Variants in EDARADD observed in about 807,000 individuals in gnomAD.
The protein encoded by EDARADD is ectodysplasin-A receptor-associated adapter protein.
Under a neutral mutation model 25.6 loss-of-function variants are expected in EDARADD, and 20 were observed. The observed-to-expected ratio is 0.78, with a 90% CI of 0.55 to 1.14. The LOEUF (loss-of-function observed/expected upper bound fraction) is 1.14. Among genes scored for constraint, EDARADD ranks in the 50% most tolerant of loss-of-function variants. The pLI is 0.00. For missense variants in EDARADD, 225 were observed against 270.1 expected (o/e 0.83, Z 1.17); for synonymous variants, 86 against 94.4 (o/e 0.91, Z 0.52).
intron 4 of EDARADD, among the ~76,000 whole-genome samples, chr1:236,467,121 A>G (rs573345607): frequency 2.0e-5 from 3 of 152,052 alleles, no homozygotes; most frequent in Non-Finnish European, 4.4e-5. Context: ...CGGAGTTAGC[A>G]CATCTTTACA....
intron 4 of EDARADD, among the ~76,000 whole-genome samples, chr1:236,429,471 A>G (rs1342743359): frequency 2.0e-5 from 3 of 150,880 alleles, no homozygotes; most frequent in African/African-American, 4.9e-5. Flanking sequence ...TCCACCTCCC[A>G]GGTTCACGCC....
At chr1:236,455,055 C>T (rs960161447) in intron 4 of EDARADD, among the ~76,000 whole-genome samples, 1 of 152,030 alleles carries the variant, frequency 6.6e-6, no homozygotes, top group African/African-American at 2.4e-5. Flanking sequence ...ACTAAGAATA[C>T]AAAAATTAGC....
Position 236,394,495 on chromosome 1 carries a change from T to A in EDARADD, c.51T>A (p.Gly17=), listed in dbSNP as rs1667479399. 6.2e-7 allele frequency: 1 copy of A among 1,613,972 alleles called. No individual in the cohort carries two copies. Among genetic ancestry groups the A allele is most frequent in the South Asian group, 1.1e-5 (1 of 91,050 alleles). ...KQMGRGTKAP[G]HQEDHMVKEP... ...TGGGGAGAGGCACTAAAGCTCCTGG[T>A]CACCAAGAGGGTATGTAGGCATTTG... The change falls in exon 1 of 6, where the codon GGT becomes GGA. Residue 17 remains glycine (G), a synonymous_variant. Transcript: ENST00000334232.
chr1:236,429,781 A>T (rs1658046615), intron 4 of EDARADD, among the ~76,000 whole-genome samples: 1 of 152,172 alleles, frequency 6.6e-6, no homozygotes, highest in African/African-American at 2.4e-5. Flanking sequence ...TTTGATATAC[A>T]TCTTTCTGGG....
chr1:236,382,924 C>T (rs1393949596), intron 3 of EDARADD, among the ~76,000 whole-genome samples: 1 of 152,120 alleles, frequency 6.6e-6, no homozygotes, highest in Non-Finnish European at 1.5e-5. Context: ...GCTGGGTCCT[C>T]AAGGGGGACA....
intron 5 of EDARADD, among the ~76,000 whole-genome samples, chr1:236,479,321 C>T (rs1381506385): frequency 1.3e-5 from 2 of 151,776 alleles, no homozygotes; most frequent in Non-Finnish European, 2.9e-5. Context: ...CATAGTGGGA[C>T]CCTGTCTCAA....
intron 4 of EDARADD, among the ~76,000 whole-genome samples, chr1:236,446,983 T>A (rs1348610106): frequency 1.3e-5 from 2 of 152,142 alleles, no homozygotes; most frequent in Non-Finnish European, 2.9e-5. Context: ...ACCTCTGTCA[T>A]CAGGAGCTGA....
intron 4 of EDARADD, among the ~76,000 whole-genome samples, chr1:236,461,727 G>A (rs528134846): frequency 2.6e-5 from 4 of 152,284 alleles, no homozygotes; most frequent in East Asian, 1.9e-4. Context: ...CTTGGTGTTC[G>A]TGGTGGTTTC....
At chr1:236,420,675 G>C (rs988318632) in intron 3 of EDARADD, among the ~76,000 whole-genome samples, 1 of 152,206 alleles carries the variant, frequency 6.6e-6, no homozygotes, top group Admixed American at 6.5e-5. Context: ...ACTCTCTACT[G>C]TCTGAAAGGC....
In EDARADD at chr1:236,482,623, C is replaced by T. The variant is rs750157040; in HGVS notation, c.622C>T (p.Arg208Cys). 3.4e-5 allele frequency: 55 copies of T among 1,612,020 alleles called. No homozygotes were observed. Among genetic ancestry groups the T allele is most frequent in the South Asian group, 1.8e-4 (16 of 91,002 alleles). The change falls in exon 6 of 6, where the codon CGT becomes TGT. Residue 208 changes from arginine (R) to cysteine (C), a missense_variant. Transcript: ENST00000334232. Reference sequence around the variant, plus strand: ...GGACGAGGAGTGGCCCAAGCGGGAGCGTGGAGACCCCTCCAGGCACTTCTA... The same window carrying T: ...GGACGAGGAGTGGCCCAAGCGGGAGTGTGGAGACCCCTCCAGGCACTTCTA... Reference protein sequence around the residue: ...WVDEEWPKRERGDPSRHF With the variant: ...WVDEEWPKRECGDPSRHF
chr1:236,438,225 C>T (rs954578640), intron 4 of EDARADD, among the ~76,000 whole-genome samples: 1 of 152,192 alleles, frequency 6.6e-6, no homozygotes, highest in Non-Finnish European at 1.5e-5. Flanking sequence ...CTGTAAGGAC[C>T]CCATTTCAAA....
intron 3 of EDARADD, among the ~76,000 whole-genome samples, chr1:236,374,687 C>T (rs1467466180): frequency 1.3e-5 from 2 of 152,014 alleles, no homozygotes; most frequent in African/African-American, 4.8e-5. Context: ...ACCTTCCTTG[C>T]TCTGAAGTCT....
At chr1:236,474,248 A>G (rs1027560235) in intron 5 of EDARADD, among the ~76,000 whole-genome samples, 7 of 152,184 alleles carry the variant, frequency 4.6e-5, no homozygotes, top group African/African-American at 1.4e-4. Context: ...TACTGTGTTC[A>G]TTGTCACTTC....
At chr1:236,474,932 A>G (rs1659462229) in intron 5 of EDARADD, among the ~76,000 whole-genome samples, 1 of 152,194 alleles carries the variant, frequency 6.6e-6, no homozygotes, top group Non-Finnish European at 1.5e-5. Context: ...TGGGCGTTGG[A>G]GACCAGCCTG....
At position 236,402,989 on chromosome 1, in the gene EDARADD, T is replaced by C. The variant is rs146623280; in HGVS notation, c.62-6227T>C. 1.3e-3 allele frequency among the ~76,000 whole-genome samples: 191 copies of C among 152,236 alleles called. 1 individual carries two copies. Among genetic ancestry groups the C allele is most frequent in the African/African-American group, 4.5e-3 (185 of 41,516 alleles). On this transcript the variant is annotated intron_variant, in intron 1 of 5. Transcript: ENST00000334232. ...TTTTTTTTTTGAGACAGAGTCTTGCTCTGTTTACCAGGCTGGAGTGCAGTG... is the reference window on the plus strand; with the variant it reads ...TTTTTTTTTTGAGACAGAGTCTTGCCCTGTTTACCAGGCTGGAGTGCAGTG...
chr1:236,380,218 A>G (rs996651211), intron 3 of EDARADD, among the ~76,000 whole-genome samples: 1 of 152,264 alleles, frequency 6.6e-6, no homozygotes, highest in Non-Finnish European at 1.5e-5. Context: ...GTGTGACACA[A>G]AGGCATAAAG....
At chr1:236,380,058 G>C (rs528074944) in intron 3 of EDARADD, among the ~76,000 whole-genome samples, 3 of 152,256 alleles carry the variant, frequency 2.0e-5, no homozygotes, top group Admixed American at 1.3e-4. Context: ...TTTGCCTTTG[G>C]TGCCCGTACC....
chr1:236,384,957 A>G (rs1667335281), intron 3 of EDARADD, among the ~76,000 whole-genome samples: 2 of 152,226 alleles, frequency 1.3e-5, no homozygotes, highest in African/African-American at 4.8e-5. Flanking sequence ...TTATATAGCA[A>G]AGATTAATAA....
At chr1:236,429,698 T>C (rs1658045320) in intron 4 of EDARADD, among the ~76,000 whole-genome samples, 1 of 152,166 alleles carries the variant, frequency 6.6e-6, no homozygotes, top group Admixed American at 6.6e-5. Flanking sequence ...ATGTTCATTA[T>C]TTTAAAGTTC....
Sources: allele counts gnomAD v4.1 joint callset (sites outside exome capture counted in the v4.1 genomes callset), GRCh38; gene constraint gnomAD v4.1.1; transcripts MANE v1.5; gene names NCBI Gene and HGNC (gene_info 2026-07-23, HGNC 2026-07-21).